DLEU7: variants seen among roughly 807,000 people sequenced by gnomAD.
DLEU7 encodes the protein leukemia-associated protein 7.
Under a neutral mutation model 16.0 loss-of-function variants are expected in DLEU7, and 17 were observed. The ratio of observed to expected loss-of-function variants is 1.06; its 90% confidence interval spans 0.73 to 1.59. The LOEUF is 1.59. DLEU7 is among the 40% of genes most tolerant of loss of function. DLEU7 has a pLI of 0.00. For synonymous variants in DLEU7, 113 were observed against 139.8 expected (o/e 0.81, Z 1.35); for missense variants, 308 against 314.9 (o/e 0.98, Z 0.17).
chr13:50,812,679 G>C (rs1289535125), intron 1 of DLEU7, among the ~76,000 whole-genome samples: 4 of 152,036 alleles, frequency 2.6e-5, no homozygotes, highest in African/African-American at 9.7e-5. Flanking sequence ...TTAGGATTCA[G>C]GGTGTTACTT....
intron 1 of DLEU7, among the ~76,000 whole-genome samples, chr13:50,806,046 A>C (rs1325166973): frequency 5.9e-5 from 9 of 152,246 alleles, no homozygotes; most frequent in Non-Finnish European, 1.3e-4. Context: ...ATCACTTAGA[A>C]TTGTGCTTTT....
At chr13:50,751,594 C>T (rs1874564673) in intron 1 of DLEU7, among the ~76,000 whole-genome samples, 2 of 152,178 alleles carry the variant, frequency 1.3e-5, no homozygotes, top group Admixed American at 6.5e-5. Flanking sequence ...TTTTAAATTA[C>T]TGTTTGAATC....
chr13:50,765,796 G>T (rs1875085120), intron 1 of DLEU7, among the ~76,000 whole-genome samples: 1 of 152,094 alleles, frequency 6.6e-6, no homozygotes, highest in South Asian at 2.1e-4. Context: ...AGGAGACATG[G>T]CCATTGTTGT....
chr13:50,797,322 G>C (rs747163243), intron 1 of DLEU7, among the ~76,000 whole-genome samples: 6 of 152,174 alleles, frequency 3.9e-5, no homozygotes, highest in Non-Finnish European at 8.8e-5. Flanking sequence ...TACGACATAA[G>C]GGAGGAAACT....
At position 50,843,630 on chromosome 13, in the gene DLEU7, G is replaced by A. The variant is rs1282382243; in HGVS notation, c.17C>T (p.Pro6Leu). 1 of 1,510,852 alleles carries A rather than the reference G, an allele frequency of 6.6e-7. No homozygotes were observed. The highest frequency in any genetic ancestry group is 8.8e-7 in the Non-Finnish European group (1 of 1,135,930). The allele number at this position is 1,510,852 out of a possible 1,614,324, so 93.6% of individuals were successfully genotyped here. MASPA[P>L]LVASISHQMV... is the part of the protein sequence containing the mutation. ...TTGGTGGCTGATGGAGGCCACTAAG[G>A]GCGCAGGGCTGGCCATCGCCTCCGC... The change falls in exon 1 of 2, where the codon CCC (proline) becomes CTC (leucine). Residue 6 changes from proline (P) to leucine (L), a missense_variant. By Grantham distance (98) the Pro-to-Leu change is moderately conservative (BLOSUM62 -3). Coordinates refer to ENST00000504404, the MANE Select transcript of DLEU7 (RefSeq NM_001306135.2). The surrounding 1 kb of genome is among the most constrained non-coding windows in gnomAD (Gnocchi z 5.7).
At position 50,726,944 on chromosome 13, in the gene DLEU7, G is replaced by A. The variant is rs575869513; in HGVS notation, c.460-13704C>T. Among the ~76,000 whole-genome samples the A allele has an allele frequency of 6.1e-4, 93 of 152,286 alleles. No homozygotes were observed. In the Middle Eastern group the frequency reaches 0.014, roughly 22 times the overall value. On this transcript the variant is annotated intron_variant, in intron 1 of 1. Coordinates refer to the DLEU7 transcript ENST00000400393. The surrounding 1 kb of genome is among the most constrained non-coding windows in gnomAD (Gnocchi z 4.0). ...AGAGGCAAGAGGAAAGTGGGGGCAC[G>A]GGGAAGGTGAAATTATTTATATCCT... is the stretch of plus-strand genomic sequence containing the variant.
intron 1 of DLEU7, among the ~76,000 whole-genome samples, chr13:50,771,548 T>A (rs1010442659): frequency 2.2e-4 from 33 of 152,356 alleles, no homozygotes; most frequent in African/African-American, 7.2e-4. Context: ...GAGCAGGTTG[T>A]TCAGTTTCCA....
downstream of DLEU7, among the ~76,000 whole-genome samples, chr13:50,821,742 C>CA (rs571535923): frequency 1.4e-5 from 2 of 146,136 alleles, no homozygotes; most frequent in African/African-American, 2.5e-5. Flanking sequence ...TAAAAAAAAA[C>CA]AAAAAACCTT....
intron 1 of DLEU7, among the ~76,000 whole-genome samples, chr13:50,781,207 T>C (rs939298771): frequency 7.2e-5 from 11 of 152,206 alleles, no homozygotes; most frequent in Non-Finnish European, 5.9e-5. Flanking sequence ...AAAGTGCTTT[T>C]GTTCATGAGG....
At chr13:50,741,812 T>C (rs1177869928) in intron 1 of DLEU7, among the ~76,000 whole-genome samples, 1 of 152,182 alleles carries the variant, frequency 6.6e-6, no homozygotes, top group Non-Finnish European at 1.5e-5. Context: ...TAAGTAAGAA[T>C]CCAAAAACAC....
chr13:50,721,957 T>C (rs924108401), intron 1 of DLEU7, among the ~76,000 whole-genome samples: 1 of 152,098 alleles, frequency 6.6e-6, no homozygotes, highest in African/African-American at 2.4e-5. Flanking sequence ...ATTCTTCAAA[T>C]ATATGCCAGA....
intron 1 of DLEU7, among the ~76,000 whole-genome samples, chr13:50,762,579 G>T (rs1467057722): frequency 6.6e-6 from 1 of 152,122 alleles, no homozygotes; most frequent in East Asian, 1.9e-4. Context: ...ATGGAAGCTT[G>T]CATTCTTTTC....
rs560229010 is a variant in DLEU7, at chr13:50,771,104, G to A, written c.460-57864C>T. ...TGGTAGTTTGTATTTCTGTGGAATC[G>A]GTGGTGATAACCCCCTTTATCATTT... On this transcript the variant is annotated intron_variant, in intron 1 of 1. Coordinates refer to the DLEU7 transcript ENST00000400393. Among the ~76,000 whole-genome samples the A allele has an allele frequency of 1.2e-4, 19 of 152,204 alleles. 1 individual carries two copies. The South Asian group carries it at 3.9e-3, about 32-fold the overall frequency.
chr13:50,740,217 T>A (rs1332010251), intron 1 of DLEU7, among the ~76,000 whole-genome samples: 1 of 152,142 alleles, frequency 6.6e-6, no homozygotes, highest in African/African-American at 2.4e-5. Flanking sequence ...GGGAAAAGGA[T>A]GAAAACTGAA....
At chr13:50,785,748 T>C (rs1875779888) in intron 1 of DLEU7, among the ~76,000 whole-genome samples, 1 of 152,186 alleles carries the variant, frequency 6.6e-6, no homozygotes, top group Admixed American at 6.5e-5. Context: ...AGATAAACAC[T>C]TCAAAACGTC....
intron 1 of DLEU7, among the ~76,000 whole-genome samples, chr13:50,753,812 G>C (rs1287349004): frequency 2.0e-5 from 3 of 152,254 alleles, no homozygotes; most frequent in Non-Finnish European, 4.4e-5. Context: ...AGCCCAGGCA[G>C]AGGTGCCAAG....
chr13:50,750,836 G>A (rs1874541238), intron 1 of DLEU7, among the ~76,000 whole-genome samples: 1 of 152,134 alleles, frequency 6.6e-6, no homozygotes. Context: ...GAGCTTTCTG[G>A]AGGAGTCTTT....
At chr13:50,841,389 AC>A (rs759347724) in intron 1 of DLEU7, among the ~76,000 whole-genome samples, 2 of 152,126 alleles carry the variant, frequency 1.3e-5, no homozygotes, top group Non-Finnish European at 2.9e-5. Context: ...CTGGAAAATA[AC>A]ATGTATTTTT....
At chr13:50,811,800 G>T (rs1479440049) in intron 1 of DLEU7, among the ~76,000 whole-genome samples, 1 of 152,158 alleles carries the variant, frequency 6.6e-6, no homozygotes, top group African/African-American at 2.4e-5. Flanking sequence ...TGGGCATGGT[G>T]GCTCATGCCT....
Sources: allele counts gnomAD v4.1 joint callset (sites outside exome capture counted in the v4.1 genomes callset), GRCh38; gene constraint gnomAD v4.1.1; non-coding constraint Gnocchi (gnomAD v3.1); transcripts MANE v1.5; gene names NCBI Gene and HGNC (gene_info 2026-07-23, HGNC 2026-07-21).